SPTLC1: variants seen among roughly 807,000 people sequenced by gnomAD.
The protein encoded by SPTLC1 is serine palmitoyltransferase 1.
Under a neutral mutation model 68.9 loss-of-function variants are expected in SPTLC1, and 55 were observed. The ratio of observed to expected loss-of-function variants is 0.80; its 90% CI spans 0.64 to 1.00. SPTLC1 has a LOEUF of 1.00. Ranked by LOEUF, SPTLC1 falls within the 50% of genes least tolerant of loss-of-function variation. The probability of loss-of-function intolerance (pLI) is 0.00; values close to 1 mark genes in which losing one functional copy is unlikely to be tolerated. For missense variants in SPTLC1, 449 were observed against 573.1 expected, an observed-to-expected ratio of 0.78 and a Z score of 2.21; for synonymous variants, 197 against 201.6, an observed-to-expected ratio of 0.98 and a Z score of 0.19.
intron 5 of SPTLC1, among the ~76,000 whole-genome samples, chr9:92,074,829 C>T (rs952021449): frequency 2.0e-5 from 3 of 152,042 alleles, no homozygotes; most frequent in South Asian, 2.1e-4. Context: ...TCCTCAATAC[C>T]GCCTTCCACA....
chr9:92,090,723 G>A (rs1326012443), intron 3 of SPTLC1, among the ~76,000 whole-genome samples: 2 of 151,452 alleles, frequency 1.3e-5, no homozygotes, highest in Non-Finnish European at 2.9e-5. Context: ...CTAAAGGCAA[G>A]GGAAAAAAAA....
intron 3 of SPTLC1, among the ~76,000 whole-genome samples, chr9:92,085,851 C>A (rs1835102305): frequency 4.6e-5 from 7 of 151,428 alleles, no homozygotes; most frequent in Admixed American, 4.6e-4. Flanking sequence ...GTGTTAAAGT[C>A]TCCCATTATT....
At chr9:92,076,698 ACCT>A (rs1295967572) in intron 5 of SPTLC1, 2 of 151,806 alleles carry the variant, frequency 1.3e-5, no homozygotes, top group Non-Finnish European at 2.9e-5. Context: ...GCTTTCTTAA[ACCT>A]CCTCCTTTCC....
At chr9:92,034,301 G>A (rs1479268276) in intron 14 of SPTLC1, among the ~76,000 whole-genome samples, 1 of 152,230 alleles carries the variant, frequency 6.6e-6, no homozygotes, top group African/African-American at 2.4e-5. Context: ...ACAGAATCCA[G>A]TCTCCTTAAA....
chr9:92,088,440 G>C, intron 3 of SPTLC1, among the ~76,000 whole-genome samples: 1 of 152,144 alleles, frequency 6.6e-6, no homozygotes, highest in East Asian at 1.9e-4. Flanking sequence ...CTCCTCAACT[G>C]TGATTCTGAT....
At chr9:92,099,904 A>G (rs1333993467) in intron 3 of SPTLC1, among the ~76,000 whole-genome samples, 1 of 152,172 alleles carries the variant, frequency 6.6e-6, no homozygotes, top group Non-Finnish European at 1.5e-5. Context: ...AATAGGCTAT[A>G]CCATATAGTC....
In SPTLC1 at chr9:92,080,949, T is replaced by C. The variant is rs1337379488; in HGVS notation, c.275A>G (p.Lys92Arg). 6.2e-7 allele frequency: 1 copy of C among 1,613,952 alleles called. No homozygotes were observed. The highest frequency in any genetic ancestry group is 2.2e-5 in the East Asian group (1 of 44,894). The change falls in exon 4 of 15, where the codon AAA becomes AGA. Residue 92 changes from lysine to arginine, a missense_variant. Physicochemically the swap from Lys to Arg is conservative, Grantham distance 26. Around this residue, in one of 3 missense-constraint regions of SPTLC1, gnomAD observed 391 missense variants for 472.1 expected, o/e 0.83. Coordinates refer to ENST00000262554, the MANE Select transcript of SPTLC1 (RefSeq NM_006415.4). ...ACATTCTTTTCCATTCACCACAGTT[T>C]TGTGGCTTGGAGGGCTAGGGAAGAG... ...YNIVSGPPSH[K>R]TVVNGKECIN...
intron 12 of SPTLC1, among the ~76,000 whole-genome samples, chr9:92,043,790 C>A (rs2118416417): frequency 6.6e-6 from 1 of 152,296 alleles, no homozygotes. Flanking sequence ...TCACACCATG[C>A]AAAAGTAATT....
At chr9:92,034,411 C>A (rs1564078850) in intron 14 of SPTLC1, among the ~76,000 whole-genome samples, 1 of 152,220 alleles carries the variant, frequency 6.6e-6, no homozygotes, top group Non-Finnish European at 1.5e-5. Context: ...GTGTTGCTGA[C>A]TGAAGGAGCA....
At chr9:92,074,276 T>A (rs1311290381) in intron 5 of SPTLC1, among the ~76,000 whole-genome samples, 3 of 151,940 alleles carry the variant, frequency 2.0e-5, no homozygotes, top group Non-Finnish European at 2.9e-5. Flanking sequence ...CGGCCAAGCT[T>A]CTAAACCCCT....
intron 2 of SPTLC1, chr9:92,110,621 T>G (rs759911013): frequency 7.2e-5 from 11 of 152,256 alleles, no homozygotes; most frequent in Non-Finnish European, 1.5e-4. Context: ...ACCATAGCAC[T>G]GCTGGGAGTA....
At chr9:92,113,216 ACATT>A (rs1836310777) in intron 1 of SPTLC1, among the ~76,000 whole-genome samples, 1 of 152,244 alleles carries the variant, frequency 6.6e-6, no homozygotes, top group Admixed American at 6.5e-5. Flanking sequence ...CTCAAATTCT[ACATT>A]CAACACGCAT....
intron 3 of SPTLC1, among the ~76,000 whole-genome samples, chr9:92,084,411 G>A (rs538284954): frequency 6.0e-4 from 92 of 152,286 alleles, no homozygotes; most frequent in Middle Eastern, 3.4e-3. Context: ...TTTGAGATAC[G>A]TCCCATCAAT....
Position 92,059,237 on chromosome 9 carries a change from T to A in SPTLC1, c.632A>T (p.His211Leu). ...TCGCTCGAGGTCAGCCATGTCATTA[T>A]GCTTAAATAACTTAATGTCACTACG... is the stretch of plus-strand genomic sequence containing the variant. ...ASRSDIKLFK[H>L]NDMADLERLL... Residue 211 changes from histidine (H) to leucine (L), a missense_variant, in exon 7 of 15, where the codon CAT becomes CTT. His to Leu is a moderately conservative substitution (Grantham distance 99). Coordinates refer to ENST00000262554, the MANE Select transcript of SPTLC1 (RefSeq NM_006415.4). 1 of 1,614,050 alleles carries A rather than the reference T, an allele frequency of 6.2e-7. No homozygotes were observed. The highest frequency in any genetic ancestry group is 8.5e-7 in the Non-Finnish European group (1 of 1,179,936).
chr9:92,062,923 A>G (rs190029738), intron 6 of SPTLC1, among the ~76,000 whole-genome samples: 117 of 152,350 alleles, frequency 7.7e-4, no homozygotes, highest in African/African-American at 2.8e-3. Flanking sequence ...CATTCAAGAA[A>G]AGAGAAAAAG....
rs375095829 is a variant in SPTLC1, at chr9:92,060,805, C to A, written c.561-1497G>T. 4.0e-5 allele frequency among the ~76,000 whole-genome samples: 6 copies of A among 148,726 alleles called. No individual in the cohort carries two copies. The East Asian group carries it at 9.8e-4, about 24-fold the overall frequency. ...GTGGGTGCCTGTAGTCCGGGTTACT[C>A]GGGAGGCTGAGGCAGGAGAATGGTG... On this transcript the variant is annotated intron_variant, in intron 6 of 14. Transcript: ENST00000262554.
At chr9:92,036,202 T>C (rs577643599) in intron 13 of SPTLC1, among the ~76,000 whole-genome samples, 1 of 152,316 alleles carries the variant, frequency 6.6e-6, no homozygotes, top group Non-Finnish European at 1.5e-5. Context: ...ATTGTTCTCT[T>C]CTCACTCAAC....
intron 12 of SPTLC1, among the ~76,000 whole-genome samples, chr9:92,040,257 CTACTCGGGAGGCT>C (rs1833294111): frequency 1.3e-5 from 2 of 151,892 alleles, no homozygotes; most frequent in South Asian, 4.2e-4. Flanking sequence ...ATAATCCCAG[CTACTCGGGAGGCT>C]GAGGTAGTAC....
intron 11 of SPTLC1, 37 bp downstream of exon 11, chr9:92,047,135 A>T (rs1298285444): frequency 1.3e-6 from 2 of 1,532,976 alleles, no homozygotes; most frequent in East Asian, 4.5e-5. Context: ...CGTAACCTGA[A>T]ATCTCTTTGA....
Sources: gnomAD v4.1 joint callset for allele counts (sites outside exome capture counted in the v4.1 genomes callset) on GRCh38, gnomAD v4.1.1 for gene constraint, gnomAD v4.1.1 regional missense constraint, MANE v1.5 for transcripts, NCBI Gene and HGNC (gene_info 2026-07-23, HGNC 2026-07-21) for gene names.